Variants in CDC123 observed in about 807,000 individuals in gnomAD.
CDC123 encodes translation initiation factor eIF2 assembly protein.
CDC123 carries 37 observed loss-of-function variants against 54.4 expected under a neutral mutation model. The observed-to-expected ratio is 0.68, with a 90% CI of 0.52 to 0.89. The LOEUF is 0.89. CDC123 is among the 40% of genes least tolerant of loss of function. The probability of loss-of-function intolerance (pLI) is 0.00; values close to 1 mark genes in which losing one functional copy is unlikely to be tolerated. For synonymous variants in CDC123, 144 were observed against 136.8 expected (o/e 1.05, Z -0.37); for missense variants, 361 against 412.1 (o/e 0.88, Z 1.07).
chr10:12,223,485 C>T (rs1024422592), intron 6 of CDC123, among the ~76,000 whole-genome samples: 3 of 152,058 alleles, frequency 2.0e-5, no homozygotes, highest in Admixed American at 1.3e-4. Flanking sequence ...AGGGTCTCAC[C>T]ATGTTGGCCA....
chr10:12,200,930 T>A (rs1303942561), intron 2 of CDC123, among the ~76,000 whole-genome samples: 1 of 110,508 alleles, frequency 9.0e-6, no homozygotes, highest in Non-Finnish European at 2.2e-5. Flanking sequence ...CTAAACTTCG[T>A]CTCAAAAAAA....
chr10:12,201,528 G>T (rs553951588), intron 2 of CDC123, among the ~76,000 whole-genome samples: 1 of 152,264 alleles, frequency 6.6e-6, no homozygotes, highest in African/African-American at 2.4e-5. Context: ...CATTAATGAA[G>T]GCTCTAGGCC....
Position 12,215,686 on chromosome 10 carries a change from A to C in CDC123, c.238-54A>C, listed in dbSNP as rs58156333. The stretch of plus-strand genomic sequence containing the variant: ...AACCTTGAGATTTTGATCTTGTTTT[A>C]TATATATACTGTGATGATATTGACG... On this transcript the variant is annotated intron_variant, in intron 4 of 12. Coordinates refer to ENST00000281141, the MANE Select transcript of CDC123 (RefSeq NM_006023.3). 5,685 of 1,030,176 alleles carry C rather than the reference A, an allele frequency of 5.5e-3. 223 individuals carry two copies. In the African/African-American group the frequency reaches 0.084, roughly 15 times the overall value. 63.8% of individuals were successfully genotyped at this position (1,030,176 alleles called of 1,614,324 possible).
At position 12,215,742 on chromosome 10, in the gene CDC123, A is replaced by G. The variant is rs200274317; in HGVS notation, c.240A>G (p.Ala80=). 52 of 1,604,316 alleles carry G rather than the reference A, an allele frequency of 3.2e-5. No individual in the cohort carries two copies. Among genetic ancestry groups the G allele is most frequent in the Non-Finnish European group, 4.0e-5 (47 of 1,173,914 alleles). The part of the protein sequence containing the change: ...SDDENTATLT[A]PEFPEFATKV... Reference sequence around the variant, plus strand: ...AATGATTTCTTCTCTCTCTGTAGGCACCAGAATTTCCTGAGTTTGCCACTA... The same window carrying G: ...AATGATTTCTTCTCTCTCTGTAGGCGCCAGAATTTCCTGAGTTTGCCACTA... The change falls in exon 5 of 13, where the codon GCA becomes GCG. Residue 80 remains alanine, a splice_region_variant and synonymous_variant. Coordinates refer to ENST00000281141, the MANE Select transcript of CDC123 (RefSeq NM_006023.3).
chr10:12,226,088 A>G (rs1310340575), intron 6 of CDC123, among the ~76,000 whole-genome samples: 2 of 152,128 alleles, frequency 1.3e-5, no homozygotes, highest in African/African-American at 4.8e-5. Context: ...GTAAGGTTAT[A>G]GATTAACAGC....
intron 1 of CDC123, among the ~76,000 whole-genome samples, chr10:12,197,691 G>A (rs1278677137): frequency 1.3e-5 from 2 of 149,880 alleles, no homozygotes; most frequent in African/African-American, 2.5e-5. Context: ...CTAGATTTTT[G>A]AATGTGAAAT....
chr10:12,221,652 A>G (rs180759038), intron 6 of CDC123, among the ~76,000 whole-genome samples: 2 of 152,224 alleles, frequency 1.3e-5, no homozygotes, highest in East Asian at 1.9e-4. Context: ...GCCACAACAC[A>G]AATTCATAAA....
chr10:12,249,494 A>G, intron 11 of CDC123, 87 bp from the exon 12 acceptor site: 2 of 1,335,650 alleles, frequency 1.5e-6, no homozygotes, highest in East Asian at 4.7e-5. Context: ...TGGAGTTGAA[A>G]TTGTTTTGCT....
chr10:12,211,433 A>G (rs1013929684), intron 4 of CDC123, among the ~76,000 whole-genome samples: 1 of 152,170 alleles, frequency 6.6e-6, no homozygotes, highest in African/African-American at 2.4e-5. Flanking sequence ...CAAAACTGAC[A>G]TATTTCTTTA....
In CDC123 at chr10:12,237,136, CT is replaced by C. The variant is rs768132049; in HGVS notation, c.566-6del. The C allele has an allele frequency of 1.3e-6, 2 of 1,519,768 alleles. No individual in the cohort carries two copies. Among genetic ancestry groups the C allele is most frequent in the East Asian group, 2.4e-5 (1 of 41,252 alleles). The allele number at this position is 1,519,768 out of a possible 1,614,324, so 94.1% of individuals were successfully genotyped here. Reference sequence around the variant, plus strand: ...ATAATAACAGGATGTAAAATATTTTCTTGTCAGGTATTTCTCAAAGAGACTA... The same window carrying C: ...ATAATAACAGGATGTAAAATATTTTCTGTCAGGTATTTCTCAAAGAGACTA... On this transcript the variant is annotated splice_polypyrimidine_tract_variant and splice_region_variant and intron_variant, in intron 8 of 12. Transcript: ENST00000281141.
At chr10:12,210,844 T>C (rs61848319) in intron 4 of CDC123, among the ~76,000 whole-genome samples, 2 of 152,016 alleles carry the variant, frequency 1.3e-5, no homozygotes, top group Non-Finnish European at 2.9e-5. Context: ...GGGATTACAG[T>C]CACCTGACAC....
intron 2 of CDC123, among the ~76,000 whole-genome samples, chr10:12,205,062 C>T (rs952727320): frequency 1.3e-5 from 2 of 151,492 alleles, no homozygotes; most frequent in African/African-American, 4.8e-5. Context: ...TAACCCCCAC[C>T]TCCTCACAGT....
chr10:12,216,625 A>C (rs760668468), intron 5 of CDC123, among the ~76,000 whole-genome samples: 1 of 152,272 alleles, frequency 6.6e-6, no homozygotes, highest in South Asian at 2.1e-4. Context: ...GCTGTTTTCA[A>C]ATATTTTAGT....
chr10:12,222,241 A>C (rs1835746634), intron 6 of CDC123, among the ~76,000 whole-genome samples: 1 of 152,228 alleles, frequency 6.6e-6, no homozygotes, highest in African/African-American at 2.4e-5. Flanking sequence ...CCCTGCCTAT[A>C]ATGTACTCTA....
chr10:12,245,175 A>C (rs1455289507), intron 10 of CDC123: 3 of 152,186 alleles, frequency 2.0e-5, no homozygotes, highest in Non-Finnish European at 4.4e-5. Context: ...CAGAGCACTG[A>C]AGGCTCCGGG....
At chr10:12,197,673 G>T (rs1345626144) in intron 1 of CDC123, among the ~76,000 whole-genome samples, 1 of 150,800 alleles carries the variant, frequency 6.6e-6, no homozygotes, top group African/African-American at 2.4e-5. Flanking sequence ...CACCGCGCCC[G>T]GCCAGAACTA....
At chr10:12,201,770 G>A (rs919474127) in intron 2 of CDC123, among the ~76,000 whole-genome samples, 1 of 152,170 alleles carries the variant, frequency 6.6e-6, no homozygotes, top group Non-Finnish European at 1.5e-5. Flanking sequence ...TCAGTTTGCA[G>A]CTGTGGCAGG....
intron 7 of CDC123, 39 bp downstream of exon 7, chr10:12,231,035 T>A (rs760375978): frequency 6.5e-7 from 1 of 1,531,704 alleles, no homozygotes; most frequent in East Asian, 2.3e-5. Flanking sequence ...TAGATGAAGA[T>A]GTGTTGAGAA....
At chr10:12,230,048 G>A (rs553299856) in intron 6 of CDC123, among the ~76,000 whole-genome samples, 1 of 152,228 alleles carries the variant, frequency 6.6e-6, no homozygotes, top group East Asian at 1.9e-4. Flanking sequence ...TTTTCTGGGT[G>A]TTAGTTTCTT....
Sources: gnomAD v4.1 joint callset for allele counts (sites outside exome capture counted in the v4.1 genomes callset) on GRCh38, gnomAD v4.1.1 for gene constraint, MANE v1.5 for transcripts, NCBI Gene and HGNC (gene_info 2026-07-23, HGNC 2026-07-21) for gene names.